Variants in DCLK1 observed in about 807,000 individuals in gnomAD.
DCLK1 encodes the protein serine/threonine-protein kinase DCLK1.
In DCLK1, 16 loss-of-function variants were observed where a neutral mutation model predicts 86.2. The observed-to-expected ratio is 0.19, with a 90% CI of 0.13 to 0.28. The LOEUF (loss-of-function observed/expected upper bound fraction) is 0.28, where lower values mean the gene tolerates loss of function less well. Among genes scored for constraint, DCLK1 ranks in the 10% least tolerant of loss-of-function variants. The probability of loss-of-function intolerance (pLI) is 1.00; values close to 1 mark genes in which losing one functional copy is unlikely to be tolerated. For missense variants in DCLK1, 590 were observed against 940.2 expected (o/e 0.63, Z 4.87); for synonymous variants, 369 against 370.5 (o/e 1.00, Z 0.05).
At chr13:36,005,160 G>C (rs1880895877) in intron 3 of DCLK1, among the ~76,000 whole-genome samples, 1 of 151,980 alleles carries the variant, frequency 6.6e-6, no homozygotes, top group African/African-American at 2.4e-5. Context: ...TTCTAAGTAA[G>C]GTAACTTTCA....
intron 3 of DCLK1, among the ~76,000 whole-genome samples, chr13:36,051,527 G>C (rs926142805): frequency 1.3e-5 from 2 of 151,706 alleles, no homozygotes; most frequent in African/African-American, 4.8e-5. Flanking sequence ...AAAACCCTCT[G>C]TGTGGTCTTT....
At chr13:35,839,469 T>G (rs1869635959) in intron 6 of DCLK1, among the ~76,000 whole-genome samples, 1 of 152,180 alleles carries the variant, frequency 6.6e-6, no homozygotes, top group Non-Finnish European at 1.5e-5. Flanking sequence ...GCTCGCTGTT[T>G]GGGTTTGGCA....
chr13:35,846,295 A>C, intron 6 of DCLK1: 1 of 985,328 alleles, frequency 1.0e-6, no homozygotes, highest in Non-Finnish European at 1.2e-6. Context: ...TAGAAAAAAT[A>C]AACTCAATTC....
At chr13:35,867,338 C>T (rs994494552) in intron 5 of DCLK1, among the ~76,000 whole-genome samples, 4 of 152,066 alleles carry the variant, frequency 2.6e-5, no homozygotes, top group Non-Finnish European at 5.9e-5. Flanking sequence ...TAACTTTGAC[C>T]TAGAAGTTAA....
chr13:35,920,693 G>A (rs930787257), intron 4 of DCLK1, among the ~76,000 whole-genome samples: 1 of 152,114 alleles, frequency 6.6e-6, no homozygotes, highest in Non-Finnish European at 1.5e-5. Flanking sequence ...GAGATTGAGG[G>A]CCATGAATCT....
In DCLK1 at chr13:36,056,906, A is replaced by AAAATATAT. The variant is rs4054844; in HGVS notation, c.723+54962_723+54963insATATATTT. Among the ~76,000 whole-genome samples, 302 of 130,124 alleles carry AAAATATAT rather than the reference A, an allele frequency of 2.3e-3. 4 individuals carry two copies. Among genetic ancestry groups the AAAATATAT allele is most frequent in the Admixed American group, 0.022 (257 of 11,568 alleles). The allele number at this position is 130,124 out of a possible 152,430, so 85.4% of individuals were successfully genotyped here. ...GCAAGACTGTGACAAAAAAAAAAAAAATATATATATATATATATATACACA... is the reference window on the plus strand; with the variant it reads ...GCAAGACTGTGACAAAAAAAAAAAAAAAATATATATATATATATATATATATATACACA... On this transcript the variant is annotated intron_variant, in intron 3 of 16. Transcript: ENST00000360631.
At position 35,941,584 on chromosome 13, in the gene DCLK1, C is replaced by T. The variant is rs111608691; in HGVS notation, c.823+5774G>A. Among the ~76,000 whole-genome samples the T allele has an allele frequency of 5.2e-3, 785 of 152,200 alleles. 3 individuals are homozygous for T. The highest frequency in any genetic ancestry group is 0.018 in the African/African-American group (730 of 41,546). On this transcript the variant is annotated intron_variant, in intron 4 of 16. Transcript: ENST00000360631. ...ACACACGTGCACAGGCACACATACA[C>T]GTGCACGGGCATACACACACGCACA...
At position 36,045,673 on chromosome 13, in the gene DCLK1, A is replaced by T. The variant is rs184370737; in HGVS notation, c.723+66196T>A. ...TCAAGACCAGCCTGGCCAACGTGGT[A>T]AAACCCCATATCCACTAAAAACACA... On this transcript the variant is annotated intron_variant, in intron 3 of 16. Transcript: ENST00000360631. 2.6e-3 allele frequency among the ~76,000 whole-genome samples: 396 copies of T among 151,836 alleles called. 1 individual carries two copies. The highest frequency in any genetic ancestry group is 9.0e-3 in the African/African-American group (371 of 41,392).
chr13:36,049,965 G>C (rs1008000808), intron 3 of DCLK1, among the ~76,000 whole-genome samples: 13 of 152,118 alleles, frequency 8.5e-5, no homozygotes, highest in Non-Finnish European at 1.6e-4. Context: ...AATGACTGCT[G>C]ATTTCCCTGG....
intron 6 of DCLK1, chr13:35,850,460 G>T: frequency 1.7e-6 from 2 of 1,143,464 alleles, no homozygotes; most frequent in Non-Finnish European, 2.1e-6. Context: ...CTAGAGCCAG[G>T]CCCTGTACAA....
intron 4 of DCLK1, among the ~76,000 whole-genome samples, chr13:35,893,923 C>T (rs1873793562): frequency 6.6e-6 from 1 of 152,176 alleles, no homozygotes; most frequent in Admixed American, 6.5e-5. Context: ...AGATCATCCA[C>T]TGGGGTGGCT....
At chr13:35,961,797 A>C (rs1387779690) in intron 3 of DCLK1, among the ~76,000 whole-genome samples, 7 of 152,194 alleles carry the variant, frequency 4.6e-5, no homozygotes, top group Non-Finnish European at 1.0e-4. Flanking sequence ...CAAATCTCAA[A>C]ATTAAAGTTC....
At chr13:36,064,668 AAAAG>A (rs1883684405) in intron 3 of DCLK1, among the ~76,000 whole-genome samples, 3 of 151,604 alleles carry the variant, frequency 2.0e-5, no homozygotes, top group Admixed American at 1.3e-4. Flanking sequence ...TTAAAAAAAA[AAAAG>A]AAAGAAAGTC....
chr13:35,832,910 C>T (rs746939326), intron 8 of DCLK1, among the ~76,000 whole-genome samples: 4 of 152,164 alleles, frequency 2.6e-5, no homozygotes, highest in Non-Finnish European at 4.4e-5. Flanking sequence ...AAGCTTTCAG[C>T]ACAAGGCATC....
intron 6 of DCLK1, among the ~76,000 whole-genome samples, chr13:35,840,577 C>T (rs185884005): frequency 2.0e-5 from 3 of 152,308 alleles, no homozygotes; most frequent in East Asian, 1.9e-4. Context: ...GAATACTACA[C>T]AGTTTGTGTA....
At chr13:35,848,529 G>A in intron 6 of DCLK1, 2 of 985,256 alleles carry the variant, frequency 2.0e-6, no homozygotes, top group Middle Eastern at 5.2e-4. Context: ...TGCTTGAATG[G>A]AAAGTTGGCC....
intron 4 of DCLK1, among the ~76,000 whole-genome samples, chr13:35,933,774 GCTGTAAAGAC>G (rs1363568380): frequency 6.6e-6 from 1 of 152,200 alleles, no homozygotes; most frequent in African/African-American, 2.4e-5. Flanking sequence ...GGGAGGGGCT[GCTGTAAAGAC>G]CTCTGACATG....
At chr13:35,801,597 GA>G (rs2086921819) in intron 15 of DCLK1, among the ~76,000 whole-genome samples, 1 of 152,036 alleles carries the variant, frequency 6.6e-6, no homozygotes, top group Non-Finnish European at 1.5e-5. Flanking sequence ...AGGAAAAACT[GA>G]AATGGACAGC....
intron 4 of DCLK1, among the ~76,000 whole-genome samples, chr13:35,938,557 A>G (rs1876902624): frequency 6.6e-6 from 1 of 151,900 alleles, no homozygotes; most frequent in African/African-American, 2.4e-5. Context: ...TGAACCCGGG[A>G]GGCAGAGGTT....
Sources: gnomAD v4.1 joint callset for allele counts (sites outside exome capture counted in the v4.1 genomes callset) on GRCh38, gnomAD v4.1.1 for gene constraint, MANE v1.5 for transcripts, NCBI Gene and HGNC (gene_info 2026-07-23, HGNC 2026-07-21) for gene names.